Variants in KIRREL3 observed in about 807,000 individuals in gnomAD.
The protein encoded by KIRREL3 is kirre like nephrin family adhesion molecule 3, also known as kin of IRRE-like protein 3.
A neutral mutation model predicts 89.7 loss-of-function variants in KIRREL3; 36 were observed. The ratio of observed to expected loss-of-function variants is 0.40; its 90% CI spans 0.31 to 0.53. KIRREL3 has a LOEUF of 0.53. KIRREL3 is among the 20% of genes least tolerant of loss of function. The probability of loss-of-function intolerance (pLI) is 0.49; values close to 1 mark genes in which losing one functional copy is unlikely to be tolerated. For missense variants in KIRREL3, 864 were observed against 1,056.6 expected (o/e 0.82, Z 2.53); for synonymous variants, 445 against 441.4 (o/e 1.01, Z -0.10).
chr11:126,426,332 A>C (rs1954939254), intron 15 of KIRREL3, among the ~76,000 whole-genome samples: 1 of 152,214 alleles, frequency 6.6e-6, no homozygotes, highest in African/African-American at 2.4e-5. Flanking sequence ...AGAGATGCCA[A>C]ACAGCCTGAG....
chr11:126,818,540 T>A (rs183074606), intron 1 of KIRREL3, among the ~76,000 whole-genome samples: 1 of 152,126 alleles, frequency 6.6e-6, no homozygotes, highest in Non-Finnish European at 1.5e-5. Context: ...TAGAATACTA[T>A]AGAGTTTCAA....
intron 1 of KIRREL3, among the ~76,000 whole-genome samples, chr11:126,913,436 C>T (rs943535164): frequency 2.0e-5 from 3 of 152,208 alleles, no homozygotes; most frequent in Non-Finnish European, 4.4e-5. Context: ...TTATCTCACT[C>T]TTAAGAGAGA....
At chr11:126,923,201 CTTCTTCTTCTTCTTCTTCTTCTTCT>C (rs1947479122) in intron 1 of KIRREL3, among the ~76,000 whole-genome samples, 2 of 17,246 alleles carry the variant, frequency 1.2e-4, no homozygotes. Context: ...TCTTCTTCTT[CTTCTTCTTCTTCTTCTTCTTCTTCT>C]TCTTCTTCTT....
At chr11:126,902,130 C>A (rs1371708175) in intron 1 of KIRREL3, among the ~76,000 whole-genome samples, 1 of 152,218 alleles carries the variant, frequency 6.6e-6, no homozygotes, top group Non-Finnish European at 1.5e-5. Flanking sequence ...GCTATGGAGG[C>A]TTGTTCCAGT....
intron 1 of KIRREL3, among the ~76,000 whole-genome samples, chr11:126,720,405 T>C (rs1174643597): frequency 6.6e-6 from 1 of 152,204 alleles, no homozygotes; most frequent in Non-Finnish European, 1.5e-5. Flanking sequence ...CCTAGTGATA[T>C]GAAGTTCTAA....
Position 126,560,622 on chromosome 11 carries a change from C to G in KIRREL3, c.133+2213G>C, listed in dbSNP as rs577337379. Among the ~76,000 whole-genome samples, 5 of 152,254 alleles carry G rather than the reference C, an allele frequency of 3.3e-5. No homozygotes were observed. In the South Asian group the frequency reaches 1.0e-3, roughly 32 times the overall value. ...AGAAAATAAAAGGACACCAAATTAACAGGAAAACAAATAAAATAGGGAAGC... is the reference window on the plus strand; with the variant it reads ...AGAAAATAAAAGGACACCAAATTAAGAGGAAAACAAATAAAATAGGGAAGC... On this transcript the variant is annotated intron_variant, in intron 2 of 16. Coordinates refer to ENST00000525144, the MANE Select transcript of KIRREL3 (RefSeq NM_032531.4).
intron 1 of KIRREL3, among the ~76,000 whole-genome samples, chr11:126,933,322 A>C (rs2135065785): frequency 6.6e-6 from 1 of 152,072 alleles, no homozygotes; most frequent in South Asian, 2.1e-4. Context: ...AGTGAGCCTA[A>C]GTTCATTGCA....
At chr11:126,792,171 G>A (rs2134362337) in intron 1 of KIRREL3, among the ~76,000 whole-genome samples, 1 of 152,258 alleles carries the variant, frequency 6.6e-6, no homozygotes, top group East Asian at 1.9e-4. Flanking sequence ...TCCCTGTTCT[G>A]TCACTCATTA....
chr11:126,539,880 C>G (rs1938215002), intron 2 of KIRREL3, among the ~76,000 whole-genome samples: 1 of 152,182 alleles, frequency 6.6e-6, no homozygotes, highest in African/African-American at 2.4e-5. Context: ...CCTGATAATT[C>G]AACTCCAAAT....
At chr11:126,500,681 A>G (rs1210239878) in intron 4 of KIRREL3, among the ~76,000 whole-genome samples, 1 of 150,644 alleles carries the variant, frequency 6.6e-6, no homozygotes, top group Non-Finnish European at 1.5e-5. Context: ...CAGAGGTTGC[A>G]GTGAGCTGAG....
intron 1 of KIRREL3, among the ~76,000 whole-genome samples, chr11:126,938,296 A>G (rs972524181): frequency 1.3e-5 from 2 of 152,258 alleles, no homozygotes; most frequent in African/African-American, 4.8e-5. Flanking sequence ...CCACAACCAC[A>G]AAAGCCACCT....
At position 126,750,606 on chromosome 11, in the gene KIRREL3, TG is replaced by T. The variant is rs1213851582; in HGVS notation, c.56-187695del. Among the ~76,000 whole-genome samples, 4 of 152,226 alleles carry T rather than the reference TG, an allele frequency of 2.6e-5. No individual in the cohort carries two copies. Among genetic ancestry groups the T allele is most frequent in the Admixed American group, 2.0e-4 (3 of 15,278 alleles). ...GTAAAGCTTCTACAGAACTGTTTAG[TG>T]GGAAAGAATCAACCTGTGTTGCCAA... On this transcript the variant is annotated intron_variant, in intron 1 of 16. Transcript: ENST00000525144. This position sits in a 1 kb window ranked among gnomAD's most constrained non-coding sequence, Gnocchi z 4.2.
At chr11:126,859,174 G>T (rs909683784) in intron 1 of KIRREL3, among the ~76,000 whole-genome samples, 3 of 152,202 alleles carry the variant, frequency 2.0e-5, no homozygotes, top group African/African-American at 2.4e-5. Context: ...CCCTGTCCTT[G>T]GTTCCAAGGA....
chr11:126,924,831 G>A lies in KIRREL3; in HGVS notation c.55+75624C>T, dbSNP rs999150964. Among the ~76,000 whole-genome samples, 15 of 152,076 alleles carry A rather than the reference G, an allele frequency of 9.9e-5. No individual in the cohort carries two copies. The highest frequency in any genetic ancestry group is 3.6e-4 in the African/African-American group (15 of 41,394). On this transcript the variant is annotated intron_variant, in intron 1 of 16. Transcript: ENST00000525144. The surrounding 1 kb of genome is among the most constrained non-coding windows in gnomAD (Gnocchi z 4.7). ...AACCCTCCTGGTTAGCCTCTCTGATGTTGAGAATGAAAGTTGTTATTAGCA... is the reference window on the plus strand; with the variant it reads ...AACCCTCCTGGTTAGCCTCTCTGATATTGAGAATGAAAGTTGTTATTAGCA...
At chr11:126,762,590 G>C (rs1305717540) in intron 1 of KIRREL3, among the ~76,000 whole-genome samples, 2 of 152,188 alleles carry the variant, frequency 1.3e-5, no homozygotes, top group African/African-American at 2.4e-5. Flanking sequence ...CCTCCCCGTT[G>C]ACCAGAATCT....
In KIRREL3 at chr11:126,453,438, G is replaced by A. The variant is rs75925658; in HGVS notation, c.848+2911C>T. 1.3e-3 allele frequency among the ~76,000 whole-genome samples: 192 copies of A among 152,326 alleles called. 4 individuals are homozygous for A. The East Asian group carries it at 0.03, about 23-fold the overall frequency. ...GTTATCTCTAGCTTCAGAGATGACA[G>A]CCTCTTAGTGACAGCAGGGAGGAAG... On this transcript the variant is annotated intron_variant, in intron 7 of 16. Transcript: ENST00000525144.
chr11:126,428,020 C>T lies in KIRREL3; in HGVS notation c.1806+1159G>A, dbSNP rs1463830328. ...GTTTGATTCAGTAAACGTCTGTGAGCCTCTACCAGGGCCTGTGTAAGGCTC... is the reference window on the plus strand; with the variant it reads ...GTTTGATTCAGTAAACGTCTGTGAGTCTCTACCAGGGCCTGTGTAAGGCTC... On this transcript the variant is annotated intron_variant, in intron 15 of 16. Transcript: ENST00000525144. This position sits in a 1 kb window ranked among gnomAD's most constrained non-coding sequence, Gnocchi z 6.4. 6.6e-6 allele frequency among the ~76,000 whole-genome samples: 1 copy of T among 152,182 alleles called. No homozygotes were observed. Among genetic ancestry groups the T allele is most frequent in the African/African-American group, 2.4e-5 (1 of 41,440 alleles).
chr11:126,708,179 C>T lies in KIRREL3; in HGVS notation c.56-145267G>A, dbSNP rs115428011. ...CTCCCTGGTCAGGCGGTATTCATGC[C>T]GCCTGGAAACTCATCTGCCTGTGCC... On this transcript the variant is annotated intron_variant, in intron 1 of 16. Coordinates refer to ENST00000525144, the MANE Select transcript of KIRREL3 (RefSeq NM_032531.4). The surrounding 1 kb of genome is among the most constrained non-coding windows in gnomAD (Gnocchi z 5.7). Among the ~76,000 whole-genome samples the T allele has an allele frequency of 7.3e-3, 1,115 of 152,254 alleles. 10 individuals are homozygous for T. Among genetic ancestry groups the T allele is most frequent in the African/African-American group, 0.025 (1,041 of 41,532 alleles).
At position 126,821,329 on chromosome 11, in the gene KIRREL3, G is replaced by GTATATATATA. The variant is rs6144553; in HGVS notation, c.55+179116_55+179125dup. Among the ~76,000 whole-genome samples, 67 of 103,526 alleles carry GTATATATATA rather than the reference G, an allele frequency of 6.5e-4. 5 individuals carry two copies. The highest frequency in any genetic ancestry group is 3.0e-3 in the African/African-American group (59 of 19,994). 67.9% of individuals were successfully genotyped at this position (103,526 alleles called of 152,430 possible). A position where few individuals can be genotyped will look rare whatever the true frequency, so the allele number is the denominator to read the frequency against. On this transcript the variant is annotated intron_variant, in intron 1 of 16. Coordinates refer to ENST00000525144, the MANE Select transcript of KIRREL3 (RefSeq NM_032531.4). Reference sequence around the variant, plus strand: ...TTTCATGGGTCAACGGATAAACACAGTATATATATATATATATATATATGT... The same window carrying GTATATATATA: ...TTTCATGGGTCAACGGATAAACACAGTATATATATATATATATATATATATATATATATGT...
Sources: allele counts gnomAD v4.1 joint callset (sites outside exome capture counted in the v4.1 genomes callset), GRCh38; gene constraint gnomAD v4.1.1; non-coding constraint Gnocchi (gnomAD v3.1); transcripts MANE v1.5; gene names NCBI Gene and HGNC (gene_info 2026-07-23, HGNC 2026-07-21).